FAM171A1: variants seen among roughly 807,000 people sequenced by gnomAD.
FAM171A1 encodes protein FAM171A1.
In FAM171A1, 23 loss-of-function variants were observed where a neutral mutation model predicts 74.9. The ratio of observed to expected loss-of-function variants is 0.31; its 90% CI spans 0.22 to 0.44. The LOEUF is 0.44. Ranked by LOEUF, FAM171A1 falls within the 20% of genes least tolerant of loss-of-function variation. The pLI is 1.00. For synonymous variants in FAM171A1, 527 were observed against 505.7 expected, an observed-to-expected ratio of 1.04 and a Z score of -0.57; for missense variants, 1,162 against 1,159.2, an observed-to-expected ratio of 1.00 and a Z score of -0.03.
chr10:15,237,168 T>A (rs1268243673), intron 5 of FAM171A1, among the ~76,000 whole-genome samples: 1 of 152,012 alleles, frequency 6.6e-6, no homozygotes, highest in African/African-American at 2.4e-5. Context: ...ACTCCATAAG[T>A]GGTAACTAAG....
intron 1 of FAM171A1, among the ~76,000 whole-genome samples, chr10:15,298,223 C>T (rs1260558376): frequency 2.6e-5 from 4 of 152,126 alleles, no homozygotes; most frequent in Non-Finnish European, 4.4e-5. Flanking sequence ...CAACCTTCGC[C>T]TTCCAGGTTG....
chr10:15,288,749 A>G (rs562553766), intron 1 of FAM171A1, among the ~76,000 whole-genome samples: 1 of 148,716 alleles, frequency 6.7e-6, no homozygotes, highest in Non-Finnish European at 1.5e-5. Flanking sequence ...ACGTTAAAAG[A>G]GATTGTTTAG....
chr10:15,341,406 T>C (rs1189105076), intron 1 of FAM171A1, among the ~76,000 whole-genome samples: 1 of 152,198 alleles, frequency 6.6e-6, no homozygotes, highest in African/African-American at 2.4e-5. Flanking sequence ...GAGCAAAGTA[T>C]AAAATAGAGG....
At chr10:15,267,211 C>T (rs752457416) in intron 3 of FAM171A1, among the ~76,000 whole-genome samples, 10 of 152,142 alleles carry the variant, frequency 6.6e-5, no homozygotes, top group African/African-American at 1.4e-4. Flanking sequence ...GCTGTGGGCA[C>T]GCATGGGCAG....
intron 1 of FAM171A1, among the ~76,000 whole-genome samples, chr10:15,331,396 G>A (rs796911592): frequency 3.9e-5 from 6 of 151,984 alleles, no homozygotes; most frequent in African/African-American, 9.7e-5. Flanking sequence ...TTCAAAAGAC[G>A]TTTTACCATA....
intron 4 of FAM171A1, among the ~76,000 whole-genome samples, chr10:15,253,707 T>C (rs1358190180): frequency 6.6e-6 from 1 of 152,236 alleles, no homozygotes; most frequent in Admixed American, 6.5e-5. Context: ...GTTACTCTCC[T>C]AGCAGAATGC....
At chr10:15,217,515 CACAAGAA>C (rs1448860219) in intron 6 of FAM171A1, among the ~76,000 whole-genome samples, 2 of 152,136 alleles carry the variant, frequency 1.3e-5, no homozygotes, top group Non-Finnish European at 2.9e-5. Flanking sequence ...TACTTAAATT[CACAAGAA>C]ACACCATTCT....
chr10:15,348,243 T>G (rs1315981181), intron 1 of FAM171A1, among the ~76,000 whole-genome samples: 3 of 152,174 alleles, frequency 2.0e-5, no homozygotes, highest in Non-Finnish European at 4.4e-5. Context: ...CCTCCCAAAG[T>G]GCTGGGATTA....
At chr10:15,281,730 G>A (rs1007022949) in intron 2 of FAM171A1, among the ~76,000 whole-genome samples, 31 of 152,140 alleles carry the variant, frequency 2.0e-4, no homozygotes, top group Admixed American at 1.8e-3. Flanking sequence ...GTGTGGTGGT[G>A]TGCTCCTGTA....
rs1834991369 is a variant in FAM171A1 at position 15,283,122 on chromosome 10, TAGGGAG to T, written c.325+750_325+755del. On this transcript the variant is annotated intron_variant, in intron 2 of 7. Transcript: ENST00000378116. The stretch of plus-strand genomic sequence containing the variant: ...AGCTCTGTCCATCTTTGCCTAAGCC[TAGGGAG>T]AGGGAGTTACAGAGGGAGGGAGGGA... Among the ~76,000 whole-genome samples the T allele has an allele frequency of 3.3e-5, 5 of 152,160 alleles. No individual in the cohort carries two copies. The South Asian group carries it at 1.0e-3, about 32-fold the overall frequency.
At chr10:15,317,142 A>G (rs1037131879) in intron 1 of FAM171A1, among the ~76,000 whole-genome samples, 2 of 152,110 alleles carry the variant, frequency 1.3e-5, no homozygotes, top group African/African-American at 4.8e-5. Context: ...AGGGGCCACC[A>G]GACAAAGAAA....
At chr10:15,272,063 A>G (rs1834832236) in intron 3 of FAM171A1, among the ~76,000 whole-genome samples, 1 of 152,232 alleles carries the variant, frequency 6.6e-6, no homozygotes. Context: ...AATGGGATAA[A>G]TGCTCCAATT....
At chr10:15,297,103 G>A (rs777898428) in intron 1 of FAM171A1, among the ~76,000 whole-genome samples, 8 of 151,690 alleles carry the variant, frequency 5.3e-5, no homozygotes, top group Non-Finnish European at 7.4e-5. Context: ...TGTCACCCAG[G>A]CTGGAGTGCA....
intron 3 of FAM171A1, among the ~76,000 whole-genome samples, chr10:15,259,832 T>C (rs1003074682): frequency 6.6e-6 from 1 of 151,964 alleles, no homozygotes; most frequent in African/African-American, 2.4e-5. Flanking sequence ...CTTTCCTTTT[T>C]TTTTTTGAGA....
intron 1 of FAM171A1, among the ~76,000 whole-genome samples, chr10:15,337,044 ATT>A (rs778973685): frequency 1.0e-4 from 14 of 136,858 alleles, no homozygotes; most frequent in Admixed American, 1.4e-4. Context: ...ACAGTTGGCT[ATT>A]TTTTTTTTTT....
chr10:15,267,810 A>G (rs1834766607), intron 3 of FAM171A1, among the ~76,000 whole-genome samples: 1 of 152,024 alleles, frequency 6.6e-6, no homozygotes, highest in Non-Finnish European at 1.5e-5. Flanking sequence ...AGCGGTGAGG[A>G]GGCTGGACAG....
At position 15,274,470 on chromosome 10, in the gene FAM171A1, T is replaced by C. The variant is rs553236347; in HGVS notation, c.418+1385A>G. On this transcript the variant is annotated intron_variant, in intron 3 of 7. Transcript: ENST00000378116. ...AAATGGCCATACTGCCCAAGGTAAT[T>C]TATAGATTCAGTGCCATCCCCATCA... Among the ~76,000 whole-genome samples the C allele has an allele frequency of 9.2e-5, 14 of 152,272 alleles. No homozygotes were observed. In the East Asian group the frequency reaches 2.7e-3, roughly 29 times the overall value.
At chr10:15,284,417 CGTGT>C (rs10533763) in intron 1 of FAM171A1, among the ~76,000 whole-genome samples, 6,006 of 150,056 alleles carry the variant, frequency 0.04, 177 homozygotes, top group Non-Finnish European at 0.057. Context: ...TGCAATACTT[CGTGT>C]GTGTGTGTGT....
chr10:15,287,812 T>C (rs924345721), intron 1 of FAM171A1, among the ~76,000 whole-genome samples: 5 of 152,180 alleles, frequency 3.3e-5, no homozygotes, highest in Non-Finnish European at 7.3e-5. Context: ...TGGTGTTTGG[T>C]TACATGAGTA....
Sources: gnomAD v4.1 joint callset for allele counts (sites outside exome capture counted in the v4.1 genomes callset) on GRCh38, gnomAD v4.1.1 for gene constraint, MANE v1.5 for transcripts, NCBI Gene and HGNC (gene_info 2026-07-23, HGNC 2026-07-21) for gene names.